The following CCL5 variants were observed in gnomAD, a reference collection of about 807,000 sequenced individuals.
The protein encoded by CCL5 is C-C motif chemokine ligand 5, also known as C-C motif chemokine 5.
Under a neutral mutation model 9.0 loss-of-function variants are expected in CCL5, and 5 were observed. That is an observed-to-expected ratio of 0.55 (90% CI 0.29 to 1.16). CCL5 has a LOEUF of 1.16. Ranked by LOEUF, CCL5 falls within the 50% of genes most tolerant of loss-of-function variation. The probability of loss-of-function intolerance (pLI) is 0.08; values close to 1 mark genes in which losing one functional copy is unlikely to be tolerated. For missense variants in CCL5, 183 were observed against 183.2 expected (o/e 1.00, Z 0.01); for synonymous variants, 66 against 72.0 (o/e 0.92, Z 0.42).
At chr17:35,879,387 C>T (rs2088483892) in intron 1 of CCL5, among the ~76,000 whole-genome samples, 1 of 152,168 alleles carries the variant, frequency 6.6e-6, no homozygotes, top group African/African-American at 2.4e-5. Context: ...GTAATCCCAG[C>T]ACTTTGGGAG....
intron 3 of CCL5, among the ~76,000 whole-genome samples, chr17:35,872,952 C>T (rs776803862): frequency 5.3e-5 from 8 of 151,470 alleles, no homozygotes; most frequent in East Asian, 3.9e-4. Flanking sequence ...GCAAGTGGCA[C>T]GATCTCAGCT....
chr17:35,872,297 A>T lies in CCL5; in HGVS notation c.438T>A (p.Pro146=), dbSNP rs1430938003. ...AAGGAGCGGGTGGGGTAGGATAGTG[A>T]GGGGAAGCCTCCCAAGCTAGGACAA... The change falls in exon 4 of 4, where the codon CCT becomes CCA. Residue 146 remains proline, a synonymous_variant. Coordinates refer to ENST00000651122, the MANE Select transcript of CCL5 (RefSeq NM_001278736.2). 6.3e-7 allele frequency: 1 copy of T among 1,596,170 alleles called. No homozygotes were observed. Among genetic ancestry groups the T allele is most frequent in the Admixed American group, 1.7e-5 (1 of 59,130 alleles).
chr17:35,872,620 G>A (rs985838642), intron 3 of CCL5, among the ~76,000 whole-genome samples, 156 bp from the exon 3 acceptor site: 1 of 152,126 alleles, frequency 6.6e-6, no homozygotes, highest in African/African-American at 2.4e-5. Context: ...TGGCTTTTAA[G>A]GAGAGAACAT....
chr17:35,878,445 A>T, intron 2 of CCL5, 83 bp downstream of exon 2: 4 of 870,662 alleles, frequency 4.6e-6, no homozygotes, highest in Non-Finnish European at 7.7e-6. Context: ...CAGCTGGAGG[A>T]TAGGTGGAAG....
chr17:35,871,777 T>A lies in CCL5; in HGVS notation c.*493A>T, dbSNP rs2144011823. On this transcript the variant is annotated 3_prime_UTR_variant, in exon 4 of 4. Coordinates refer to ENST00000651122, the MANE Select transcript of CCL5 (RefSeq NM_001278736.2). Reference sequence around the variant, plus strand: ...TTGTTGTTGTGACGGAGTCTCACTTTGTCACCCAGGCTGGAGTGAAGTGGC... The same window carrying A: ...TTGTTGTTGTGACGGAGTCTCACTTAGTCACCCAGGCTGGAGTGAAGTGGC... 6.6e-6 allele frequency: 1 copy of A among 152,442 alleles called. No homozygotes were observed. The highest frequency in any genetic ancestry group is 1.9e-4 in the East Asian group (1 of 5,186). 9.4% of individuals were successfully genotyped at this position (152,442 alleles called of 1,614,324 possible). A position where few individuals can be genotyped will look rare whatever the true frequency, so the allele number is the denominator to read the frequency against.
At chr17:35,879,040 A>C (rs953251622) in intron 1 of CCL5, among the ~76,000 whole-genome samples, 1 of 152,142 alleles carries the variant, frequency 6.6e-6, no homozygotes, top group Non-Finnish European at 1.5e-5. Context: ...CCAGGATCCT[A>C]AGAAGGGCCT....
intron 2 of CCL5, among the ~76,000 whole-genome samples, chr17:35,875,834 G>A (rs146421585): frequency 7.2e-5 from 11 of 152,168 alleles, no homozygotes; most frequent in Admixed American, 2.0e-4. Flanking sequence ...CCTTAAGAGC[G>A]GATGTTCTCA....
Position 35,874,292 on chromosome 17 carries a change from GTTTA to G in CCL5, c.270+1265_270+1268del, listed in dbSNP as rs1431361538. On this transcript the variant is annotated intron_variant, in intron 3 of 3. Transcript: ENST00000651122. ...CTATTTATTGTGCAGCCATCCAGAA[GTTTA>G]TTTATTTATTTTTATTTTTGAGACA... Among the ~76,000 whole-genome samples the G allele has an allele frequency of 5.3e-5, 8 of 152,108 alleles. No individual in the cohort carries two copies. The South Asian group carries it at 8.3e-4, about 16-fold the overall frequency.
intron 2 of CCL5, among the ~76,000 whole-genome samples, chr17:35,876,729 C>G (rs1598625110): frequency 6.6e-6 from 1 of 152,218 alleles, no homozygotes; most frequent in African/African-American, 2.4e-5. Flanking sequence ...AGCACTTTTG[C>G]TGCATTTTCC....
intron 3 of CCL5, among the ~76,000 whole-genome samples, chr17:35,874,860 C>G (rs55846484): frequency 6.6e-6 from 1 of 152,230 alleles, no homozygotes; most frequent in Non-Finnish European, 1.5e-5. Context: ...TGACCACCCG[C>G]CTCAGCCTCC....
At position 35,871,679 on chromosome 17, in the gene CCL5, C is replaced by T. The variant is rs1347703981; in HGVS notation, c.*591G>A. The stretch of plus-strand genomic sequence containing the variant: ...GCCAAGGCAAAGCCAGAGCTCAGAA[C>T]CTAGAGACTTCCTTTTGACAAAGCA... On this transcript the variant is annotated 3_prime_UTR_variant, in exon 4 of 4. Transcript: ENST00000651122. The T allele has an allele frequency of 6.6e-6, 1 of 152,230 alleles. No homozygotes were observed. The highest frequency in any genetic ancestry group is 1.5e-5 in the Non-Finnish European group (1 of 68,072). The allele number at this position is 152,230 out of a possible 1,614,324, so 9.4% of individuals were successfully genotyped here.
intron 3 of CCL5, among the ~76,000 whole-genome samples, chr17:35,873,572 TG>T (rs28914807): frequency 3.1e-3 from 478 of 152,310 alleles, no homozygotes; most frequent in Non-Finnish European, 5.4e-3. Flanking sequence ...TGTGCATGGG[TG>T]GGTGAACGAA....
chr17:35,876,487 C>T (rs1286840815), intron 2 of CCL5, among the ~76,000 whole-genome samples: 1 of 152,172 alleles, frequency 6.6e-6, no homozygotes, highest in Non-Finnish European at 1.5e-5. Context: ...TCATCCTTAA[C>T]CCCCATTTTT....
chr17:35,873,317 A>C (rs1025379463), intron 3 of CCL5, among the ~76,000 whole-genome samples: 1 of 151,726 alleles, frequency 6.6e-6, no homozygotes, highest in African/African-American at 2.4e-5. Flanking sequence ...CCTCCTGAGT[A>C]GTTGGGACTA....
intron 2 of CCL5, among the ~76,000 whole-genome samples, chr17:35,876,233 G>A (rs1163647285): frequency 2.0e-5 from 3 of 152,154 alleles, no homozygotes; most frequent in African/African-American, 4.8e-5. Context: ...TCTAGAGCCA[G>A]TACTCACCAA....
chr17:35,876,749 G>A (rs575957745), intron 2 of CCL5, among the ~76,000 whole-genome samples: 6 of 152,270 alleles, frequency 3.9e-5, no homozygotes, highest in Admixed American at 1.3e-4. Flanking sequence ...CTGACACTCC[G>A]TGCTTTCCTA....
chr17:35,878,052 A>T (rs2088462930), intron 2 of CCL5, among the ~76,000 whole-genome samples: 1 of 152,116 alleles, frequency 6.6e-6, no homozygotes, highest in Non-Finnish European at 1.5e-5. Flanking sequence ...TGGGAGGCTG[A>T]GGCGGGTAGA....
intron 2 of CCL5, among the ~76,000 whole-genome samples, chr17:35,878,227 G>A (rs2088466159): frequency 7.0e-6 from 1 of 143,006 alleles, no homozygotes; most frequent in South Asian, 2.2e-4. Context: ...AGCTTGCAGT[G>A]AGCCGAGATC....
rs1212505184 is a variant in CCL5, at chr17:35,871,801, G to C, written c.*469C>G. ...TTGTCACCCAGGCTGGAGTGAAGTG[G>C]CACAATCTCAGCTCACTGCAGCCTC... On this transcript the variant is annotated 3_prime_UTR_variant, in exon 4 of 4. Coordinates refer to ENST00000651122, the MANE Select transcript of CCL5 (RefSeq NM_001278736.2). 6.6e-6 allele frequency: 1 copy of C among 152,320 alleles called. No homozygotes were observed. Among genetic ancestry groups the C allele is most frequent in the Non-Finnish European group, 1.5e-5 (1 of 68,170 alleles). 9.4% of individuals were successfully genotyped at this position (152,320 alleles called of 1,614,324 possible).
Sources: gnomAD v4.1 joint callset for allele counts (sites outside exome capture counted in the v4.1 genomes callset) on GRCh38, gnomAD v4.1.1 for gene constraint, MANE v1.5 for transcripts, NCBI Gene and HGNC (gene_info 2026-07-23, HGNC 2026-07-21) for gene names.